The following ARHGAP44 variants were observed in gnomAD, a reference collection of about 807,000 sequenced individuals.
The protein encoded by ARHGAP44 is Rho GTPase activating protein 44, also known as rho GTPase-activating protein 44.
Under a neutral mutation model 106.8 loss-of-function variants are expected in ARHGAP44, and 43 were observed. The ratio of observed to expected loss-of-function variants is 0.40; its 90% CI spans 0.32 to 0.52. The LOEUF (loss-of-function observed/expected upper bound fraction) is 0.52. ARHGAP44 is among the 20% of genes least tolerant of loss of function. ARHGAP44 has a pLI of 0.48. For missense variants in ARHGAP44, 866 were observed against 1,050.5 expected (o/e 0.82, Z 2.43); for synonymous variants, 439 against 410.3 (o/e 1.07, Z -0.85).
rs148107721 is a variant in ARHGAP44 at position 12,941,691 on chromosome 17, G to A, written c.651+567G>A. The stretch of plus-strand genomic sequence containing the variant: ...AGGTATATGATGATTGATGTGGCCT[G>A]TTGGCCTGCCTCTCACCAATCAAAG... On this transcript the variant is annotated intron_variant, in intron 8 of 20. Coordinates refer to ENST00000379672, the MANE Select transcript of ARHGAP44 (RefSeq NM_014859.6). Among the ~76,000 whole-genome samples, 9 of 152,318 alleles carry A rather than the reference G, an allele frequency of 5.9e-5. No homozygotes were observed. In the East Asian group the frequency reaches 1.7e-3, roughly 29 times the overall value.
At chr17:12,947,402 C>T (rs750572406) in intron 10 of ARHGAP44, among the ~76,000 whole-genome samples, 5 of 152,150 alleles carry the variant, frequency 3.3e-5, no homozygotes, top group South Asian at 2.1e-4. Flanking sequence ...CTGTTTAGCA[C>T]CATGGTCCCC....
intron 1 of ARHGAP44, among the ~76,000 whole-genome samples, chr17:12,892,793 GT>G (rs142814685): frequency 0.23 from 31,085 of 135,112 alleles, 3,629 homozygotes; most frequent in Non-Finnish European, 0.29. Flanking sequence ...CATCAACTGA[GT>G]TTTTTTTTTT....
chr17:12,819,150 C>T (rs2034686601), intron 1 of ARHGAP44, among the ~76,000 whole-genome samples: 2 of 152,144 alleles, frequency 1.3e-5, no homozygotes, highest in South Asian at 4.2e-4. Flanking sequence ...AACAAAGATG[C>T]CAGGGCAATT....
chr17:12,859,411 C>G (rs1452694927), intron 1 of ARHGAP44, among the ~76,000 whole-genome samples: 1 of 152,198 alleles, frequency 6.6e-6, no homozygotes, highest in Non-Finnish European at 1.5e-5. Flanking sequence ...AATACAGGAG[C>G]CTTTTATAAG....
At chr17:12,882,930 T>C (rs1010475412) in intron 1 of ARHGAP44, among the ~76,000 whole-genome samples, 3 of 152,010 alleles carry the variant, frequency 2.0e-5, no homozygotes, top group Admixed American at 6.5e-5. Context: ...GTGTTACTTC[T>C]TTTTCTATTT....
In ARHGAP44 at chr17:12,974,209, G is replaced by C. The variant is rs779186137; in HGVS notation, c.1662G>C (p.Ala554=). 2 of 1,547,384 alleles carry C rather than the reference G, an allele frequency of 1.3e-6. No homozygotes were observed. Among genetic ancestry groups the C allele is most frequent in the South Asian group, 2.4e-5 (2 of 83,924 alleles). The change falls in exon 18 of 21, where the codon GCG becomes GCC. Residue 554 remains alanine, a synonymous_variant. Coordinates refer to ENST00000379672, the MANE Select transcript of ARHGAP44 (RefSeq NM_014859.6). ...CCGCCCCGCCCGCCGAGCTGGCTGCGCCCCTGCCTTCGCCGCTGCCGGAGC... is the reference window on the plus strand; with the variant it reads ...CCGCCCCGCCCGCCGAGCTGGCTGCCCCCCTGCCTTCGCCGCTGCCGGAGC... The part of the protein sequence containing the change: ...QPPAPPAELA[A]PLPSPLPEQP...
At chr17:12,989,933 G>A in intron 20 of ARHGAP44, 99 bp from the exon 21 acceptor site, 1 of 1,503,094 alleles carries the variant, frequency 6.7e-7, no homozygotes, top group Non-Finnish European at 9.1e-7. Context: ...TAGAATAGCA[G>A]CACCCCTGCC....
At chr17:12,825,876 A>C (rs535950369) in intron 1 of ARHGAP44, among the ~76,000 whole-genome samples, 2 of 152,300 alleles carry the variant, frequency 1.3e-5, no homozygotes, top group South Asian at 4.2e-4. Flanking sequence ...CAGTCAGTAA[A>C]CATTGATTGT....
intron 1 of ARHGAP44, among the ~76,000 whole-genome samples, chr17:12,837,785 A>G (rs781184802): frequency 1.3e-5 from 2 of 152,112 alleles, no homozygotes; most frequent in Admixed American, 6.5e-5. Flanking sequence ...ACGTTATTAT[A>G]CATTGGGGGC....
At position 12,919,784 on chromosome 17, in the gene ARHGAP44, G is replaced by GA; in HGVS notation, c.420dup (p.His141ThrfsTer37). 1 of 1,613,240 alleles carries GA rather than the reference G, an allele frequency of 6.2e-7. No homozygotes were observed. On this transcript the variant is annotated frameshift_variant, in exon 6 of 21. Transcript: ENST00000379672. LOFTEE classifies it high-confidence loss of function. Reference sequence around the variant, plus strand: ...AAATCCCAAATATTCAAAAGCAGAGGAAACACTTAGCCAAGTTGGTGCTGG... The same window carrying GA: ...AAATCCCAAATATTCAAAAGCAGAGGAAAACACTTAGCCAAGTTGGTGCTGG...
chr17:12,871,061 G>A (rs9904224), intron 1 of ARHGAP44, among the ~76,000 whole-genome samples: 310 of 151,264 alleles, frequency 2.0e-3, no homozygotes, highest in African/African-American at 6.0e-3. Context: ...TTCTTGTTTC[G>A]TAATCACATA....
chr17:12,970,563 G>C (rs2039506255), intron 16 of ARHGAP44, among the ~76,000 whole-genome samples: 1 of 151,970 alleles, frequency 6.6e-6, no homozygotes, highest in Non-Finnish European at 1.5e-5. Flanking sequence ...AACTATAAAG[G>C]GATCTAAAAG....
At chr17:12,973,682 A>G (rs1269306776) in intron 17 of ARHGAP44, 2 of 470,692 alleles carry the variant, frequency 4.2e-6, no homozygotes, top group Non-Finnish European at 7.5e-6. Flanking sequence ...CTCGTCTTGC[A>G]CTTGGGAGGA....
chr17:12,928,353 T>C (rs1260020889), intron 6 of ARHGAP44, among the ~76,000 whole-genome samples: 1 of 152,212 alleles, frequency 6.6e-6, no homozygotes, highest in Non-Finnish European at 1.5e-5. Flanking sequence ...AAACCAATGA[T>C]AGAGACTGTG....
intron 7 of ARHGAP44, among the ~76,000 whole-genome samples, chr17:12,939,452 A>C (rs1248906332): frequency 1.3e-5 from 2 of 152,068 alleles, no homozygotes; most frequent in South Asian, 2.1e-4. Flanking sequence ...AGTGAATGTT[A>C]ACTTCTTTAT....
intron 16 of ARHGAP44, chr17:12,959,157 A>G (rs1374072540): frequency 2.3e-6 from 1 of 439,992 alleles, no homozygotes; most frequent in African/African-American, 2.0e-5. Flanking sequence ...AAAGAAAGAA[A>G]AAGTAGTCAC....
chr17:12,842,251 A>T (rs961558271), intron 1 of ARHGAP44, among the ~76,000 whole-genome samples: 2 of 151,888 alleles, frequency 1.3e-5, no homozygotes, highest in Non-Finnish European at 2.9e-5. Context: ...TCTATAAAAA[A>T]TATATGTATC....
intron 6 of ARHGAP44, among the ~76,000 whole-genome samples, chr17:12,921,559 C>T (rs2038086125): frequency 6.6e-6 from 1 of 152,092 alleles, no homozygotes; most frequent in African/African-American, 2.4e-5. Context: ...GTTGCGCAGG[C>T]TAGTTTCAGA....
chr17:12,980,310 A>G lies in ARHGAP44; in HGVS notation c.1939+77A>G, dbSNP rs1377123136. The G allele has an allele frequency of 1.9e-5, 28 of 1,436,044 alleles. No individual in the cohort carries two copies. The South Asian group carries it at 2.6e-4, about 14-fold the overall frequency. 89.0% of individuals were successfully genotyped at this position (1,436,044 alleles called of 1,614,324 possible). On this transcript the variant is annotated intron_variant, in intron 19 of 20. Transcript: ENST00000379672. ...ATTCCCTGAAGGCTCGTTTTCCTCT[A>G]TGAACTTGGATATTGAGAAACTGTG...
Sources: allele counts gnomAD v4.1 joint callset (sites outside exome capture counted in the v4.1 genomes callset), GRCh38; gene constraint gnomAD v4.1.1; transcripts MANE v1.5; gene names NCBI Gene and HGNC (gene_info 2026-07-23, HGNC 2026-07-21).